Variants in HDAC9 observed in about 807,000 individuals in gnomAD.
HDAC9 encodes the protein histone deacetylase 9, also known as MEF-2 interacting transcription repressor (MITR) protein.
Under a neutral mutation model 139.4 loss-of-function variants are expected in HDAC9, and 41 were observed. The observed-to-expected ratio is 0.29, with a 90% CI of 0.23 to 0.38. The LOEUF is 0.38. Among genes scored for constraint, HDAC9 ranks in the 10% least tolerant of loss-of-function variants. The probability of loss-of-function intolerance (pLI) is 1.00; values close to 1 mark genes in which losing one functional copy is unlikely to be tolerated. For missense variants in HDAC9, 1,147 were observed against 1,297.0 expected (o/e 0.88, Z 1.78); for synonymous variants, 517 against 476.2 (o/e 1.09, Z -1.12).
In HDAC9 at chr7:18,591,786, T is replaced by G. The variant is rs76464805; in HGVS notation, c.542+144T>G. The G allele has an allele frequency of 5.5e-3, 6,291 of 1,136,946 alleles. 251 individuals carry two copies. The African/African-American group carries it at 0.087, about 16-fold the overall frequency. The allele number at this position is 1,136,946 out of a possible 1,614,324, so 70.4% of individuals were successfully genotyped here. On this transcript the variant is annotated intron_variant, in intron 5 of 25. Coordinates refer to ENST00000686413, the MANE Select transcript of HDAC9 (RefSeq NM_178425.4). Reference sequence around the variant, plus strand: ...TCCTTCAGTTCTCTAAGGATCAGTTTCCTTCTCCATAAAAAGAGGAAAATA... The same window carrying G: ...TCCTTCAGTTCTCTAAGGATCAGTTGCCTTCTCCATAAAAAGAGGAAAATA...
intron 23 of HDAC9, among the ~76,000 whole-genome samples, chr7:18,938,842 C>T (rs1781834212): frequency 6.6e-6 from 1 of 152,018 alleles, no homozygotes; most frequent in Non-Finnish European, 1.5e-5. Context: ...TAATTGGAGA[C>T]CAGAACGCAG....
chr7:18,789,475 C>A (rs1300131703), intron 16 of HDAC9, among the ~76,000 whole-genome samples: 1 of 152,168 alleles, frequency 6.6e-6, no homozygotes, highest in Non-Finnish European at 1.5e-5. Flanking sequence ...CATGTCTTCT[C>A]AACTTTAGCA....
At chr7:18,365,058 T>C (rs533867366) in intron 1 of HDAC9, among the ~76,000 whole-genome samples, 1 of 152,162 alleles carries the variant, frequency 6.6e-6, no homozygotes, top group African/African-American at 2.4e-5. Flanking sequence ...TTGAAAAACA[T>C]TGACAGCTGG....
intron 2 of HDAC9, among the ~76,000 whole-genome samples, chr7:18,566,569 C>T (rs151008140): frequency 1.9e-3 from 291 of 152,236 alleles, no homozygotes; most frequent in African/African-American, 6.7e-3. Flanking sequence ...GTAGAGGAAG[C>T]CTTGGGAATC....
At chr7:18,855,740 G>C (rs572605972) in intron 21 of HDAC9, among the ~76,000 whole-genome samples, 27 of 152,090 alleles carry the variant, frequency 1.8e-4, no homozygotes, top group Admixed American at 5.9e-4. Flanking sequence ...AGAGGGAGAA[G>C]GGATTCTTAG....
At chr7:18,503,955 C>A (rs1799065125) in intron 2 of HDAC9, among the ~76,000 whole-genome samples, 1 of 152,016 alleles carries the variant, frequency 6.6e-6, no homozygotes, top group African/African-American at 2.4e-5. Context: ...AAAATAAACC[C>A]CCCAAAATCC....
intron 5 of HDAC9, among the ~76,000 whole-genome samples, chr7:18,591,910 A>T (rs561306264): frequency 1.4e-4 from 22 of 152,298 alleles, no homozygotes; most frequent in African/African-American, 5.3e-4. Flanking sequence ...GCATTTATCA[A>T]CTTGAGGGCA....
intron 12 of HDAC9, among the ~76,000 whole-genome samples, chr7:18,721,737 A>G (rs950361479): frequency 6.6e-6 from 1 of 151,958 alleles, no homozygotes; most frequent in African/African-American, 2.4e-5. Context: ...GCAAAGCAAA[A>G]CAAAACAAAA....
rs1257752334 is a variant in HDAC9 at position 18,835,592 on chromosome 7, G to T, written c.2586+6G>T. 6.8e-6 allele frequency: 11 copies of T among 1,613,656 alleles called. No individual in the cohort carries two copies. Among genetic ancestry groups the T allele is most frequent in the Non-Finnish European group, 8.5e-6 (10 of 1,179,644 alleles). Reference sequence around the variant, plus strand: ...GCAGTGGAGCCCCAAATGAGGTTCGGTTTATTTCTTTAGAGCCCCACTTTT... The same window carrying T: ...GCAGTGGAGCCCCAAATGAGGTTCGTTTTATTTCTTTAGAGCCCCACTTTT... On this transcript the variant is annotated splice_donor_region_variant and intron_variant, in intron 20 of 25. Coordinates refer to ENST00000686413, the MANE Select transcript of HDAC9 (RefSeq NM_178425.4).
chr7:18,990,985 A>T (rs1013259912), intron 25 of HDAC9, among the ~76,000 whole-genome samples: 1 of 152,246 alleles, frequency 6.6e-6, no homozygotes, highest in African/African-American at 2.4e-5. Context: ...TCAGATGGAA[A>T]TGCAGAAATC....
chr7:18,288,465 C>T (rs1470295060), upstream of HDAC9, among the ~76,000 whole-genome samples: 1 of 152,094 alleles, frequency 6.6e-6, no homozygotes, highest in Non-Finnish European at 1.5e-5. Context: ...CAGTCTTTCA[C>T]TTTCTTACTC....
At chr7:18,818,285 T>G (rs1794714824) in intron 17 of HDAC9, among the ~76,000 whole-genome samples, 1 of 152,250 alleles carries the variant, frequency 6.6e-6, no homozygotes, top group Non-Finnish European at 1.5e-5. Context: ...AAAGAGAAAT[T>G]TTAAAAACAG....
intron 22 of HDAC9, among the ~76,000 whole-genome samples, chr7:18,931,012 GTTACTAGAAA>G (rs1414071619): frequency 6.6e-6 from 1 of 152,148 alleles, no homozygotes; most frequent in East Asian, 1.9e-4. Context: ...TGAATTCTCA[GTTACTAGAAA>G]TTATTAGTAA....
At chr7:18,117,506 A>T (rs1049882337) in intron 1 of HDAC9, among the ~76,000 whole-genome samples, 1 of 91,506 alleles carries the variant, frequency 1.1e-5, no homozygotes, top group African/African-American at 3.8e-5. Flanking sequence ...ATAAAAAATT[A>T]AAAAAAAAAA....
At chr7:18,384,735 T>C (rs1326606380) in intron 1 of HDAC9, among the ~76,000 whole-genome samples, 1 of 151,504 alleles carries the variant, frequency 6.6e-6, no homozygotes, top group Non-Finnish European at 1.5e-5. Context: ...TATGGATCTC[T>C]GCCCTGCTTG....
intron 12 of HDAC9, among the ~76,000 whole-genome samples, chr7:18,675,436 C>T (rs1781439640): frequency 6.6e-6 from 1 of 152,008 alleles, no homozygotes; most frequent in African/African-American, 2.4e-5. Flanking sequence ...AAGGAATTGT[C>T]AGCTTTAAAT....
At chr7:18,167,058 A>T (rs553013289) in intron 2 of HDAC9, among the ~76,000 whole-genome samples, 8 of 152,362 alleles carry the variant, frequency 5.3e-5, no homozygotes, top group African/African-American at 1.9e-4. Flanking sequence ...TATCTATTTC[A>T]AGTAATATTC....
intron 19 of HDAC9, among the ~76,000 whole-genome samples, chr7:18,832,487 C>T (rs1397645649): frequency 2.0e-5 from 3 of 152,092 alleles, no homozygotes; most frequent in Admixed American, 1.3e-4. Context: ...TGCTTTTTAA[C>T]CAGTAAAATA....
At chr7:18,903,673 C>T (rs1382025799) in intron 22 of HDAC9, among the ~76,000 whole-genome samples, 1 of 152,190 alleles carries the variant, frequency 6.6e-6, no homozygotes, top group East Asian at 1.9e-4. Flanking sequence ...TTACTCCTCA[C>T]TATCTTTCTG....
Sources: allele counts gnomAD v4.1 joint callset (sites outside exome capture counted in the v4.1 genomes callset), GRCh38; gene constraint gnomAD v4.1.1; transcripts MANE v1.5; gene names NCBI Gene and HGNC (gene_info 2026-07-23, HGNC 2026-07-21).